Variants in DGAT2 observed in about 807,000 individuals in gnomAD.
DGAT2 encodes diacylglycerol O-acyltransferase 2.
Under a neutral mutation model 48.4 loss-of-function variants are expected in DGAT2, and 33 were observed. The ratio of observed to expected loss-of-function variants is 0.68; its 90% CI spans 0.52 to 0.91. The LOEUF is 0.91. DGAT2 is among the 40% of genes least tolerant of loss of function. The pLI is 0.00. For synonymous variants in DGAT2, 191 were observed against 194.1 expected, an observed-to-expected ratio of 0.98 and a Z score of 0.13; for missense variants, 446 against 493.7, an observed-to-expected ratio of 0.90 and a Z score of 0.92.
At chr11:75,798,492 C>A in intron 7 of DGAT2, 63 bp downstream of exon 7, 54 of 1,567,394 alleles carry the variant, frequency 3.4e-5, no homozygotes, top group Non-Finnish European at 4.6e-5. Flanking sequence ...AGCTAATCAG[C>A]AGTAGAGACG....
intron 1 of DGAT2, among the ~76,000 whole-genome samples, chr11:75,773,175 G>A (rs1944774281): frequency 6.6e-6 from 1 of 152,210 alleles, no homozygotes; most frequent in South Asian, 2.1e-4. Context: ...AGGAAGCCCT[G>A]CTTTTAGCTT....
At chr11:75,790,823 A>T (rs1336059131) in intron 4 of DGAT2, 92 bp downstream of exon 4, 1 of 1,331,838 alleles carries the variant, frequency 7.5e-7, no homozygotes, top group Non-Finnish European at 1.1e-6. Flanking sequence ...GCAAGTTTAG[A>T]CCAAGTTGGT....
Position 75,797,321 on chromosome 11 carries a change from C to G in DGAT2, c.798C>G (p.Ala266=), listed in dbSNP as rs1945067997. 3.3e-6 allele frequency: 5 copies of G among 1,509,250 alleles called. No individual in the cohort carries two copies. The highest frequency in any genetic ancestry group is 1.4e-5 in the African/African-American group (1 of 70,926). The allele number at this position is 1,509,250 out of a possible 1,614,324, so 93.5% of individuals were successfully genotyped here. Reference sequence around the variant, plus strand: ...ACCGCAAGGGCTTTGTGAAACTGGCCCTGCGTCATGGGTGAGTGCCTCCCT... The same window carrying G: ...ACCGCAAGGGCTTTGTGAAACTGGCGCTGCGTCATGGGTGAGTGCCTCCCT... ...LRNRKGFVKL[A]LRHGADLVPI... The change falls in exon 6 of 8, where the codon GCC becomes GCG. Residue 266 remains alanine, a synonymous_variant. Coordinates refer to ENST00000228027, the MANE Select transcript of DGAT2 (RefSeq NM_032564.5).
chr11:75,776,042 T>C (rs1944800372), intron 1 of DGAT2: 1 of 152,160 alleles, frequency 6.6e-6, no homozygotes, highest in Admixed American at 6.5e-5. Context: ...GGTATGAATG[T>C]TAGTGTTTGG....
rs148053982 is a variant in DGAT2 at position 75,790,300 on chromosome 11, G to A, written c.358+5G>A. ...ACTGGAACACACCCAAGAAAGGTAA[G>A]TGCAAGGCCTCCCTTGCCCCACCTC... On this transcript the variant is annotated splice_donor_5th_base_variant and intron_variant, in intron 3 of 7. Transcript: ENST00000228027. The A allele has an allele frequency of 6.2e-7, 1 of 1,608,700 alleles. No individual in the cohort carries two copies. The highest frequency in any genetic ancestry group is 1.3e-5 in the African/African-American group (1 of 74,916).
rs1446908006 is a variant in DGAT2, at chr11:75,796,531, AG to A, written c.634+1del. 6.2e-7 allele frequency: 1 copy of A among 1,611,556 alleles called. No individual in the cohort carries two copies. Among genetic ancestry groups the A allele is most frequent in the Non-Finnish European group, 8.5e-7 (1 of 1,179,514 alleles). On this transcript the variant is annotated frameshift_variant and splice_region_variant, in exon 5 of 8. Transcript: ENST00000228027. LOFTEE classifies it high-confidence loss of function. ...TGTTGAGGGAGTACCTGATGTCTGG[AG>A]GTAAGAATCCACCCCCTGTGCTCCT... is the stretch of plus-strand genomic sequence containing the variant. ...PVLREYLMSG[G>X]ICPVSRDTID...
intron 4 of DGAT2, chr11:75,793,483 G>A (rs895456555): frequency 1.3e-5 from 2 of 152,198 alleles, no homozygotes; most frequent in Admixed American, 6.5e-5. Context: ...AAAGTGCAGC[G>A]ACTGGCCTGC....
At chr11:75,778,665 T>A (rs1944827562) in intron 1 of DGAT2, among the ~76,000 whole-genome samples, 1 of 151,784 alleles carries the variant, frequency 6.6e-6, no homozygotes, top group Admixed American at 6.6e-5. Context: ...AAACCCCATC[T>A]CTACCAAAAA....
rs931280656 is a variant in DGAT2, at chr11:75,801,497, T to G, written c.*989T>G. The G allele has an allele frequency of 6.6e-6, 1 of 152,640 alleles. No homozygotes were observed. The highest frequency in any genetic ancestry group is 2.4e-5 in the African/African-American group (1 of 41,440). The allele number at this position is 152,640 out of a possible 1,614,324, so 9.5% of individuals were successfully genotyped here. A position where few individuals can be genotyped will look rare whatever the true frequency, so the allele number is the denominator to read the frequency against. ...AGATCATTGCACCATGTCAGACTTT[T>G]GTATATGCCTTGAAAATAAATGAAA... On this transcript the variant is annotated 3_prime_UTR_variant, in exon 8 of 8. Coordinates refer to ENST00000228027, the MANE Select transcript of DGAT2 (RefSeq NM_032564.5).
chr11:75,773,620 A>G, intron 1 of DGAT2: 1 of 152,354 alleles, frequency 6.6e-6, no homozygotes, highest in Non-Finnish European at 1.5e-5. Flanking sequence ...CACTGTAGAG[A>G]GTGGCAGACC....
chr11:75,777,136 AC>A (rs1422804223), intron 1 of DGAT2, among the ~76,000 whole-genome samples: 1 of 149,160 alleles, frequency 6.7e-6, no homozygotes, highest in Non-Finnish European at 1.5e-5. Flanking sequence ...GGGCAGGGTG[AC>A]CCCCACCCCC....
intron 1 of DGAT2, among the ~76,000 whole-genome samples, chr11:75,782,970 G>T (rs1287974676): frequency 1.3e-5 from 2 of 152,228 alleles, no homozygotes; most frequent in Non-Finnish European, 2.9e-5. Flanking sequence ...CTCTAAGATG[G>T]GTTGCTGGGC....
At chr11:75,797,359 A>C in intron 6 of DGAT2, 27 bp downstream of exon 6, 3 of 1,412,044 alleles carry the variant, frequency 2.1e-6, no homozygotes, top group South Asian at 3.3e-5. Context: ...ACACACACAC[A>C]CCCCTCCAGT....
At chr11:75,789,210 C>T (rs546458639) in intron 2 of DGAT2, among the ~76,000 whole-genome samples, 3 of 151,986 alleles carry the variant, frequency 2.0e-5, no homozygotes, top group South Asian at 4.2e-4. Flanking sequence ...AGTGTAGTGG[C>T]GCGATCATGG....
chr11:75,769,773 G>A (rs1440836399), intron 1 of DGAT2, among the ~76,000 whole-genome samples: 5 of 152,128 alleles, frequency 3.3e-5, no homozygotes, highest in Non-Finnish European at 7.4e-5. Flanking sequence ...ACTGAAGTGG[G>A]AGGAAGCATG....
chr11:75,797,018 G>A, intron 5 of DGAT2, 140 bp from the exon 6 acceptor site: 1 of 779,132 alleles, frequency 1.3e-6, no homozygotes, highest in Non-Finnish European at 1.9e-6. Context: ...AGCTTACACA[G>A]AACCAGACAA....
chr11:75,774,449 C>G (rs1391363205), intron 1 of DGAT2, among the ~76,000 whole-genome samples: 1 of 152,200 alleles, frequency 6.6e-6, no homozygotes, highest in African/African-American at 2.4e-5. Flanking sequence ...ACACAAACTC[C>G]TTTTCTTATT....
chr11:75,782,830 G>A (rs999999084), intron 1 of DGAT2, among the ~76,000 whole-genome samples: 1 of 152,230 alleles, frequency 6.6e-6, no homozygotes, highest in African/African-American at 2.4e-5. Flanking sequence ...GGTCAGGAAT[G>A]CTGGGTTTCA....
chr11:75,796,397 G>A lies in DGAT2; in HGVS notation c.499G>A (p.Gly167Ser). 1 of 1,613,992 alleles carries A rather than the reference G, an allele frequency of 6.2e-7. No homozygotes were observed. Among genetic ancestry groups the A allele is most frequent in the East Asian group, 2.2e-5 (1 of 44,876 alleles). Residue 167 changes from glycine (G) to serine (S), a missense_variant, in exon 5 of 8, where the codon GGC becomes AGC. By Grantham distance (56) the Gly-to-Ser change is moderately conservative. Transcript: ENST00000228027. ...IFGYHPHGIM[G>S]LGAFCNFSTE... ...TGGATACCACCCCCATGGTATCATGGGCCTGGGTGCCTTCTGCAACTTCAG... is the reference window on the plus strand; with the variant it reads ...TGGATACCACCCCCATGGTATCATGAGCCTGGGTGCCTTCTGCAACTTCAG...
Sources: gnomAD v4.1 joint callset for allele counts (sites outside exome capture counted in the v4.1 genomes callset) on GRCh38, gnomAD v4.1.1 for gene constraint, MANE v1.5 for transcripts, NCBI Gene and HGNC (gene_info 2026-07-23, HGNC 2026-07-21) for gene names.